KTN1: variants seen among roughly 807,000 people sequenced by gnomAD.
KTN1 encodes kinectin.
In KTN1, 130 loss-of-function variants were observed where a neutral mutation model predicts 222.5. The observed-to-expected ratio is 0.58, with a 90% confidence interval of 0.51 to 0.68. KTN1 has a LOEUF of 0.68. Ranked by LOEUF, KTN1 falls within the 30% of genes least tolerant of loss-of-function variation. The pLI, the probability that KTN1 is intolerant of heterozygous loss-of-function variation, is 0.00. For synonymous variants in KTN1, 512 were observed against 496.3 expected (o/e 1.03, Z -0.42); for missense variants, 1,508 against 1,500.4 (o/e 1.01, Z -0.08).
rs1566707847 is a variant in KTN1, at chr14:55,612,373, A to G, written c.325A>G (p.Ser109Gly). The change falls in exon 2 of 44, where the codon AGT becomes GGT. Residue 109 changes from serine to glycine, a missense_variant. Ser to Gly is a moderately conservative substitution (Grantham distance 56). Transcript: ENST00000395314. ...PVPLNVVETS[S>G]SVRERKKKEK... ...TCCATTGAATGTCGTTGAAACTTCAAGTAGTGTTAGGGAAAGAAAAAAGAA... is the reference window on the plus strand; with the variant it reads ...TCCATTGAATGTCGTTGAAACTTCAGGTAGTGTTAGGGAAAGAAAAAAGAA... The G allele has an allele frequency of 6.2e-7, 1 of 1,614,082 alleles. No homozygotes were observed. The highest frequency in any genetic ancestry group is 8.5e-7 in the Non-Finnish European group (1 of 1,179,976).
chr14:55,624,453 T>A (rs2039539964), intron 5 of KTN1, among the ~76,000 whole-genome samples: 1 of 152,162 alleles, frequency 6.6e-6, no homozygotes, highest in South Asian at 2.1e-4. Context: ...TGTGAACACT[T>A]TGTAGAGAGT....
chr14:55,617,786 A>G (rs535992778), intron 3 of KTN1, among the ~76,000 whole-genome samples, 178 bp from the exon 4 acceptor site: 1 of 152,312 alleles, frequency 6.6e-6, no homozygotes, highest in East Asian at 1.9e-4. Context: ...TTGAGCTGGT[A>G]CGGCTTCATT....
intron 29 of KTN1, 123 bp from the exon 30 acceptor site, chr14:55,658,423 C>T (rs1222698812): frequency 6.1e-6 from 4 of 658,776 alleles, no homozygotes; most frequent in Non-Finnish European, 1.1e-5. Context: ...CTTATTACAC[C>T]CTTTAAAATT....
chr14:55,641,357 T>C (rs2041784583), intron 17 of KTN1, 149 bp downstream of exon 17: 1 of 596,260 alleles, frequency 1.7e-6, no homozygotes, highest in African/African-American at 1.9e-5. Context: ...AACCATGAAT[T>C]TTATCATAGA....
intron 34 of KTN1, chr14:55,667,775 A>C (rs1214791479): frequency 1.3e-5 from 2 of 152,572 alleles, no homozygotes; most frequent in African/African-American, 4.8e-5. Context: ...GAAATCTTAC[A>C]GATAATATAG....
chr14:55,664,919 G>T (rs370270114), intron 33 of KTN1, among the ~76,000 whole-genome samples: 1 of 151,860 alleles, frequency 6.6e-6, no homozygotes, highest in Non-Finnish European at 1.5e-5. Context: ...GTGTGCCATG[G>T]TACTCTATTG....
intron 1 of KTN1, among the ~76,000 whole-genome samples, chr14:55,586,942 C>T (rs76472022): frequency 0.06 from 9,201 of 152,174 alleles, 386 homozygotes; most frequent in South Asian, 0.09. Flanking sequence ...ACCTCGAAAA[C>T]GCCAACTCTG....
At chr14:55,618,275 C>A (rs2038669979) in intron 4 of KTN1, 141 bp downstream of exon 4, 1 of 598,174 alleles carries the variant, frequency 1.7e-6, no homozygotes, top group Middle Eastern at 4.4e-4. Flanking sequence ...TATTGGTAGT[C>A]TTTTAGTCCA....
intron 31 of KTN1, among the ~76,000 whole-genome samples, chr14:55,660,152 G>C (rs1455175620): frequency 6.6e-6 from 1 of 151,974 alleles, no homozygotes; most frequent in Non-Finnish European, 1.5e-5. Flanking sequence ...AGACTGAGAC[G>C]GGAGGATCAC....
chr14:55,667,177 C>T, intron 33 of KTN1, 64 bp from the exon 34 acceptor site: 12 of 1,059,904 alleles, frequency 1.1e-5, no homozygotes, highest in Admixed American at 4.9e-5. Flanking sequence ...TAGTTTTTTT[C>T]TTTTCTTTTT....
chr14:55,630,035 C>T lies in KTN1; in HGVS notation c.1159C>T (p.His387Tyr). The T allele has an allele frequency of 1.3e-6, 2 of 1,599,578 alleles. No homozygotes were observed. Among genetic ancestry groups the T allele is most frequent in the Non-Finnish European group, 1.7e-6 (2 of 1,166,794 alleles). The part of the protein sequence containing the change: ...KDRIGTLEKE[H>Y]NVFQNKIHVS... ...TCGAATTGGAACATTAGAAAAGGAA[C>T]ATAATGTATTTCAAAACAAAATACA... Residue 387 changes from histidine to tyrosine, a missense_variant, in exon 7 of 44, where the codon CAT becomes TAT. Coordinates refer to ENST00000395314, the MANE Select transcript of KTN1 (RefSeq NM_001079521.2).
intron 1 of KTN1, among the ~76,000 whole-genome samples, chr14:55,588,302 A>G (rs1434223391): frequency 6.6e-6 from 1 of 152,206 alleles, no homozygotes; most frequent in Non-Finnish European, 1.5e-5. Flanking sequence ...CATCTGTAAG[A>G]TGAATCATCT....
rs2042835533 is a variant in KTN1, at chr14:55,650,552, G to A, written c.2497-17G>A. 1 of 1,599,744 alleles carries A rather than the reference G, an allele frequency of 6.3e-7. No homozygotes were observed. ...GTGTTTCCATTGTCCAATCTTGTCT[G>A]TTTTGTCATTGTCAAGGATTTGAAA... is the stretch of plus-strand genomic sequence containing the variant. On this transcript the variant is annotated splice_polypyrimidine_tract_variant and intron_variant, in intron 23 of 43. Transcript: ENST00000395314.
intron 15 of KTN1, 60 bp downstream of exon 15, chr14:55,640,502 T>G (rs1457915758): frequency 8.5e-7 from 1 of 1,180,246 alleles, no homozygotes; most frequent in Non-Finnish European, 1.2e-6. Flanking sequence ...ATTCTTATTT[T>G]CATTGATATT....
At chr14:55,675,758 C>G (rs2045838354) in intron 40 of KTN1, 77 bp from the exon 41 acceptor site, 43 of 929,764 alleles carry the variant, frequency 4.6e-5, no homozygotes, top group South Asian at 4.1e-4. Context: ...CCCATTCATT[C>G]TTCAGTCCTA....
At position 55,662,936 on chromosome 14, in the gene KTN1, G is replaced by A. The variant is rs78627252; in HGVS notation, c.3091-1019G>A. On this transcript the variant is annotated intron_variant, in intron 32 of 43. Transcript: ENST00000395314. ...ATGGTAATGCAGCAGCAGCAGCAGC[G>A]CTGGAGACATTGAACCCGTGTGAAA... 5.0e-3 allele frequency: 2,265 copies of A among 456,028 alleles called. 27 individuals are homozygous for A. Among genetic ancestry groups the A allele is most frequent in the South Asian group, 0.017 (1,106 of 64,564 alleles). 28.2% of individuals were successfully genotyped at this position (456,028 alleles called of 1,614,324 possible).
chr14:55,613,634 T>C (rs958213814), intron 2 of KTN1, among the ~76,000 whole-genome samples: 8 of 131,728 alleles, frequency 6.1e-5, no homozygotes, highest in Non-Finnish European at 3.5e-5. Flanking sequence ...GCTGGAATTA[T>C]AGGCGTGTAT....
At chr14:55,667,359 T>G (rs773681745) in intron 34 of KTN1, 29 bp downstream of exon 34, 13 of 1,315,180 alleles carry the variant, frequency 9.9e-6, no homozygotes, top group Non-Finnish European at 7.6e-6. Context: ...TTTTTTAACA[T>G]GATGACATTA....
chr14:55,619,655 T>C (rs1474852787), intron 5 of KTN1, among the ~76,000 whole-genome samples: 1 of 152,114 alleles, frequency 6.6e-6, no homozygotes, highest in African/African-American at 2.4e-5. Flanking sequence ...TTTCCTCTTA[T>C]AAAACCATCA....
Sources: gnomAD v4.1 joint callset for allele counts (sites outside exome capture counted in the v4.1 genomes callset) on GRCh38, gnomAD v4.1.1 for gene constraint, MANE v1.5 for transcripts, NCBI Gene and HGNC (gene_info 2026-07-23, HGNC 2026-07-21) for gene names.